Variants in NFIB observed in about 807,000 individuals in gnomAD.
The protein encoded by NFIB is nuclear factor 1 B-type.
In NFIB, 11 loss-of-function variants were observed where a neutral mutation model predicts 61.5. That is an observed-to-expected ratio of 0.18 (90% CI 0.11 to 0.30). NFIB has a LOEUF of 0.30. Among genes scored for constraint, NFIB ranks in the 10% least tolerant of loss-of-function variants. NFIB has a pLI of 1.00. For synonymous variants in NFIB, 260 were observed against 216.5 expected (o/e 1.20, Z -1.76); for missense variants, 471 against 608.9 (o/e 0.77, Z 2.38).
chr9:14,412,576 G>T, the NFIB span, among the ~76,000 whole-genome samples: 2 of 152,184 alleles, frequency 1.3e-5, no homozygotes, highest in Non-Finnish European at 2.9e-5. Context: ...GTCAAGTCCT[G>T]CTTTCTTCTC....
chr9:14,276,891 A>G (rs553596530), intron 2 of NFIB, among the ~76,000 whole-genome samples: 2 of 152,052 alleles, frequency 1.3e-5, no homozygotes, highest in East Asian at 1.9e-4. Context: ...CATCTTTTCT[A>G]TATCAAGCAG....
At chr9:14,430,354 A>G in the NFIB span, among the ~76,000 whole-genome samples, 3 of 147,408 alleles carry the variant, frequency 2.0e-5, no homozygotes, top group East Asian at 5.9e-4. Flanking sequence ...GTTGACTCTG[A>G]GGAAGAAAAG....
chr9:14,469,176 T>TG, the NFIB span, among the ~76,000 whole-genome samples: 1 of 152,164 alleles, frequency 6.6e-6, no homozygotes, highest in Non-Finnish European at 1.5e-5. Context: ...ACATTGGGAT[T>TG]GGGGGACCGA....
At chr9:14,449,373 C>T in the NFIB span, among the ~76,000 whole-genome samples, 1 of 152,132 alleles carries the variant, frequency 6.6e-6, no homozygotes, top group South Asian at 2.1e-4. Context: ...TTTAATTGGC[C>T]TAAGATGGAA....
the NFIB span, among the ~76,000 whole-genome samples, chr9:14,427,535 T>C: frequency 2.0e-5 from 3 of 152,148 alleles, no homozygotes; most frequent in African/African-American, 7.2e-5. Context: ...GCTCAATCAC[T>C]GGACTACACT....
intron 2 of NFIB, among the ~76,000 whole-genome samples, chr9:14,190,371 G>A (rs760255528): frequency 7.9e-5 from 12 of 152,258 alleles, no homozygotes; most frequent in South Asian, 2.1e-4. Context: ...AGATTTGTAC[G>A]TGGGGTATTC....
At chr9:14,136,687 A>C (rs1292572593) in intron 6 of NFIB, among the ~76,000 whole-genome samples, 1 of 152,208 alleles carries the variant, frequency 6.6e-6, no homozygotes, top group East Asian at 1.9e-4. Flanking sequence ...GGAAAGTCCT[A>C]TAAATGATCT....
chr9:14,356,901 G>A (rs1224745707), intron 1 of NFIB, among the ~76,000 whole-genome samples: 8 of 152,182 alleles, frequency 5.3e-5, no homozygotes, highest in Non-Finnish European at 7.3e-5. Context: ...TGTTTTTAAG[G>A]ATATACACTG....
intron 10 of NFIB, among the ~76,000 whole-genome samples, chr9:14,107,876 T>A (rs531061903): frequency 1.3e-5 from 2 of 152,174 alleles, no homozygotes; most frequent in Admixed American, 6.5e-5. Context: ...GATAATTTTT[T>A]CCTTGTGTTT....
At chr9:14,398,291 A>G (rs1346085376) in intron 1 of NFIB, among the ~76,000 whole-genome samples, 1 of 152,174 alleles carries the variant, frequency 6.6e-6, no homozygotes. Flanking sequence ...CGAAACATCT[A>G]CAATTTATCC....
intron 2 of NFIB, among the ~76,000 whole-genome samples, chr9:14,303,300 A>G (rs1218359613): frequency 1.3e-5 from 2 of 152,188 alleles, no homozygotes; most frequent in Non-Finnish European, 2.9e-5. Context: ...TCCTCCACAC[A>G]CTTGTCATAG....
the NFIB span, among the ~76,000 whole-genome samples, chr9:14,427,296 T>G: frequency 6.6e-6 from 1 of 152,176 alleles, no homozygotes; most frequent in Non-Finnish European, 1.5e-5. Context: ...ATACTCATAG[T>G]GAATATTTGT....
At chr9:14,172,312 G>C (rs1378726051) in intron 3 of NFIB, among the ~76,000 whole-genome samples, 1 of 152,166 alleles carries the variant, frequency 6.6e-6, no homozygotes, top group Non-Finnish European at 1.5e-5. Flanking sequence ...TAAGAAATAA[G>C]TTGGTAGGTA....
At chr9:14,210,476 T>C (rs2050193053) in intron 2 of NFIB, among the ~76,000 whole-genome samples, 1 of 152,078 alleles carries the variant, frequency 6.6e-6, no homozygotes, top group Admixed American at 6.6e-5. Flanking sequence ...CAGAATTGCT[T>C]TACAAATTGT....
At chr9:14,206,819 A>C (rs2049789222) in intron 2 of NFIB, among the ~76,000 whole-genome samples, 1 of 152,066 alleles carries the variant, frequency 6.6e-6, no homozygotes, top group South Asian at 2.1e-4. Flanking sequence ...ACTAGAATAC[A>C]AGTTTTTGGA....
At chr9:14,460,016 G>A in the NFIB span, among the ~76,000 whole-genome samples, 1 of 152,114 alleles carries the variant, frequency 6.6e-6, no homozygotes, top group Non-Finnish European at 1.5e-5. Context: ...TCCCATTACT[G>A]AGTATATACC....
Position 14,085,837 on chromosome 9 carries a change from G to C in NFIB, c.*2472C>G, listed in dbSNP as rs1331618509. The C allele has an allele frequency of 4.5e-6, 1 of 221,882 alleles. No homozygotes were observed. Among genetic ancestry groups the C allele is most frequent in the Non-Finnish European group, 9.0e-6 (1 of 110,924 alleles). The allele number at this position is 221,882 out of a possible 1,614,324, so 13.7% of individuals were successfully genotyped here. On this transcript the variant is annotated 3_prime_UTR_variant, in exon 11 of 11. Transcript: ENST00000380953. ...AGACTCCCTCCAACAGGTCTAATGT[G>C]TTTTCTAGGAGAAAGAATATTCATG...
In NFIB at chr9:14,367,845, C is replaced by A. The variant is rs546889481; in HGVS notation, c.108+30679G>T. ...GTTGAACAATGGGAACACATGGACA[C>A]ACGGAGGGGAACATCACACACCGGG... On this transcript the variant is annotated intron_variant, in intron 1 of 8. Coordinates refer to the NFIB transcript ENST00000380934. 2.0e-5 allele frequency among the ~76,000 whole-genome samples: 3 copies of A among 152,208 alleles called. No homozygotes were observed. The South Asian group carries it at 6.2e-4, about 32-fold the overall frequency.
At chr9:14,196,015 A>G (rs551208139) in intron 2 of NFIB, among the ~76,000 whole-genome samples, 1 of 152,298 alleles carries the variant, frequency 6.6e-6, no homozygotes, top group Admixed American at 6.5e-5. Context: ...ATCACCTGGT[A>G]GGGAACAGCA....
Sources: gnomAD v4.1 joint callset for allele counts (sites outside exome capture counted in the v4.1 genomes callset) on GRCh38, gnomAD v4.1.1 for gene constraint, MANE v1.5 for transcripts, NCBI Gene and HGNC (gene_info 2026-07-23, HGNC 2026-07-21) for gene names.